SHB: variants seen among roughly 807,000 people sequenced by gnomAD.
The protein encoded by SHB is SH2 domain-containing adapter protein B.
In SHB, 20 loss-of-function variants were observed where a neutral mutation model predicts 52.3. That is an observed-to-expected ratio of 0.38 (90% CI 0.27 to 0.56). SHB has a LOEUF of 0.56. Among genes scored for constraint, SHB ranks in the 20% least tolerant of loss-of-function variants. SHB has a pLI of 0.71. For missense variants in SHB, 825 were observed against 723.3 expected, an observed-to-expected ratio of 1.14 and a Z score of -1.61; for synonymous variants, 397 against 316.5, an observed-to-expected ratio of 1.25 and a Z score of -2.70.
chr9:38,036,419 T>C (rs796900744), intron 1 of SHB, among the ~76,000 whole-genome samples: 2 of 152,336 alleles, frequency 1.3e-5, no homozygotes, highest in African/African-American at 4.8e-5. Context: ...AGCAAACTCT[T>C]TACCAATGAC....
At chr9:38,008,619 G>A (rs1281268178) in intron 2 of SHB, among the ~76,000 whole-genome samples, 2 of 152,232 alleles carry the variant, frequency 1.3e-5, no homozygotes, top group Non-Finnish European at 2.9e-5. Flanking sequence ...GCTTGCTGCT[G>A]TGTAAACTTG....
At chr9:38,035,794 A>C (rs561776041) in intron 1 of SHB, among the ~76,000 whole-genome samples, 13 of 152,292 alleles carry the variant, frequency 8.5e-5, no homozygotes, top group Admixed American at 7.8e-4. Context: ...ACATAGCTGC[A>C]CATCAGAAAA....
intron 4 of SHB, among the ~76,000 whole-genome samples, chr9:37,950,977 G>A (rs557509287): frequency 3.9e-5 from 6 of 152,246 alleles, no homozygotes; most frequent in South Asian, 4.1e-4. Flanking sequence ...CCTGCAAACC[G>A]TGCCTCTGAG....
intron 2 of SHB, among the ~76,000 whole-genome samples, chr9:38,000,147 G>GCCATTTCTCCC (rs1820994074): frequency 1.3e-5 from 2 of 152,212 alleles, no homozygotes; most frequent in African/African-American, 4.8e-5. Flanking sequence ...ACAGGCAGTG[G>GCCATTTCTCCC]AGAGAGAAAA....
chr9:37,949,826 G>A (rs1009219988), intron 4 of SHB, among the ~76,000 whole-genome samples: 16 of 152,372 alleles, frequency 1.1e-4, no homozygotes, highest in Middle Eastern at 3.4e-3. Context: ...ACTGCTCCCA[G>A]ATGCCATGCA....
chr9:38,035,622 T>C (rs577430587), intron 1 of SHB, among the ~76,000 whole-genome samples: 4 of 151,952 alleles, frequency 2.6e-5, no homozygotes, highest in Admixed American at 2.0e-4. Context: ...CACGGTGGGG[T>C]AGGTCTTGGG....
At chr9:37,957,601 A>G (rs10732212) in intron 3 of SHB, among the ~76,000 whole-genome samples, 88,618 of 152,070 alleles carry the variant, frequency 0.58, 26,128 homozygotes, top group East Asian at 0.82. Flanking sequence ...CAGTGACACC[A>G]ACAGGTAGTC....
At chr9:38,011,595 T>A (rs1316380381) in intron 2 of SHB, among the ~76,000 whole-genome samples, 1 of 151,996 alleles carries the variant, frequency 6.6e-6, no homozygotes, top group Admixed American at 6.6e-5. Flanking sequence ...GAGCTCAGGG[T>A]TAATGCAGAC....
At chr9:38,028,360 G>C (rs1232708301) in intron 1 of SHB, among the ~76,000 whole-genome samples, 1 of 152,176 alleles carries the variant, frequency 6.6e-6, no homozygotes, top group African/African-American at 2.4e-5. Context: ...AAGTCCATGT[G>C]GGCCAGGCCA....
At chr9:37,956,509 G>A (rs1025413110) in intron 3 of SHB, among the ~76,000 whole-genome samples, 1 of 152,170 alleles carries the variant, frequency 6.6e-6, no homozygotes, top group South Asian at 2.1e-4. Context: ...CTTTCCCTGG[G>A]ATACTCCTAT....
chr9:37,933,429 T>G (rs1832335851), intron 5 of SHB, among the ~76,000 whole-genome samples: 1 of 152,152 alleles, frequency 6.6e-6, no homozygotes, highest in Admixed American at 6.5e-5. Flanking sequence ...GGAAGGATAT[T>G]AAACAAAAGG....
intron 5 of SHB, among the ~76,000 whole-genome samples, chr9:37,920,643 CCTT>C (rs1378125322): frequency 2.0e-5 from 3 of 152,218 alleles, no homozygotes; most frequent in Non-Finnish European, 1.5e-5. Flanking sequence ...TACTACCTGC[CCTT>C]CTTTATAAAC....
In SHB at chr9:37,919,005, G is replaced by C. The variant is rs919813454; in HGVS notation, c.*816C>G. ...TGCTGAGGGCTGGAGCTGAGGCCTCGGCCTCCCTCCCCTCCCTGGGGCCTG... is the reference window on the plus strand; with the variant it reads ...TGCTGAGGGCTGGAGCTGAGGCCTCCGCCTCCCTCCCCTCCCTGGGGCCTG... On this transcript the variant is annotated 3_prime_UTR_variant, in exon 6 of 6. Transcript: ENST00000377707. 2.0e-5 allele frequency: 3 copies of C among 152,416 alleles called. No homozygotes were observed. The highest frequency in any genetic ancestry group is 4.4e-5 in the Non-Finnish European group (3 of 68,030). 9.4% of individuals were successfully genotyped at this position (152,416 alleles called of 1,614,324 possible).
At chr9:38,005,925 C>T (rs1348969880) in intron 2 of SHB, among the ~76,000 whole-genome samples, 1 of 152,120 alleles carries the variant, frequency 6.6e-6, no homozygotes, top group African/African-American at 2.4e-5. Context: ...AGTTTGGGGC[C>T]CTCCTCTGAT....
At chr9:37,938,325 CA>C (rs1832397629) in intron 5 of SHB, among the ~76,000 whole-genome samples, 1 of 152,208 alleles carries the variant, frequency 6.6e-6, no homozygotes, top group African/African-American at 2.4e-5. Flanking sequence ...TCCATGCAGC[CA>C]CCCTTTCACT....
chr9:37,977,897 T>C (rs559295325), intron 2 of SHB, among the ~76,000 whole-genome samples: 2 of 152,322 alleles, frequency 1.3e-5, no homozygotes, highest in South Asian at 2.1e-4. Context: ...GTACTTTTCA[T>C]GCAATTCACC....
chr9:37,964,943 A>G (rs1832732358), intron 3 of SHB, among the ~76,000 whole-genome samples: 1 of 152,220 alleles, frequency 6.6e-6, no homozygotes, highest in Non-Finnish European at 1.5e-5. Flanking sequence ...TCTGTAAAAC[A>G]TACCTGGGAC....
At chr9:38,039,125 G>A (rs1445620888) in intron 1 of SHB, among the ~76,000 whole-genome samples, 1 of 152,228 alleles carries the variant, frequency 6.6e-6, no homozygotes. Flanking sequence ...CCGGAAAAAT[G>A]TGGATAATAC....
rs767895025 is a variant in SHB, at chr9:38,068,218, G to A, written c.428C>T (p.Ser143Phe). ...GGACGCGGCGGCCCCCGCGCCCGAGGAGGCGCAGCAACAGCCCGCGGCGCC... is the reference window on the plus strand; with the variant it reads ...GGACGCGGCGGCCCCCGCGCCCGAGAAGGCGCAGCAACAGCCCGCGGCGCC... Reference protein sequence around the residue: ...ASGAAGCCCASSGAGAAASSS... With the variant: ...ASGAAGCCCAFSGAGAAASSS... The change falls in exon 1 of 6, where the codon TCC (serine) becomes TTC (phenylalanine). Residue 143 changes from serine to phenylalanine, a missense_variant. Physicochemically the swap from Ser to Phe is radical, Grantham distance 155 (BLOSUM62 -2). Transcript: ENST00000377707. The A allele has an allele frequency of 2.9e-6, 4 of 1,395,244 alleles. No individual in the cohort carries two copies. The highest frequency in any genetic ancestry group is 2.8e-6 in the Non-Finnish European group (3 of 1,087,512). 86.4% of individuals were successfully genotyped at this position (1,395,244 alleles called of 1,614,324 possible).
Sources: gnomAD v4.1 joint callset for allele counts (sites outside exome capture counted in the v4.1 genomes callset) on GRCh38, gnomAD v4.1.1 for gene constraint, MANE v1.5 for transcripts, NCBI Gene and HGNC (gene_info 2026-07-23, HGNC 2026-07-21) for gene names.